The following STRBP variants were observed in gnomAD, a reference collection of about 807,000 sequenced individuals.
STRBP encodes the protein spermatid perinuclear RNA binding protein.
STRBP carries 13 observed loss-of-function variants against 80.1 expected under a neutral mutation model. The ratio of observed to expected loss-of-function variants is 0.16; its 90% CI spans 0.11 to 0.26. STRBP has a LOEUF of 0.26. STRBP is among the 10% of genes least tolerant of loss of function. The pLI is 1.00. For synonymous variants in STRBP, 284 were observed against 291.2 expected (o/e 0.98, Z 0.25); for missense variants, 485 against 815.2 (o/e 0.59, Z 4.93).
At chr9:123,259,526 G>C (rs940701361) in intron 1 of STRBP, among the ~76,000 whole-genome samples, 2 of 152,128 alleles carry the variant, frequency 1.3e-5, no homozygotes, top group African/African-American at 2.4e-5. Context: ...GACCAACATG[G>C]AGAAACCCCG....
At position 123,115,343 on chromosome 9, in the gene STRBP, G is replaced by T; in HGVS notation, c.*84+586C>A. Reference sequence around the variant, plus strand: ...CCTGGCTCCTCTCCTGCCCTCGGCGGGAGACCTGGGAACGGGCCTGCCAGC... The same window carrying T: ...CCTGGCTCCTCTCCTGCCCTCGGCGTGAGACCTGGGAACGGGCCTGCCAGC... On this transcript the variant is annotated intron_variant and NMD_transcript_variant, in intron 3 of 3. Coordinates refer to the STRBP transcript ENST00000471564. The surrounding 1 kb of genome is among the most constrained non-coding windows in gnomAD (Gnocchi z 5.0). 1 of 471,082 alleles carries T rather than the reference G, an allele frequency of 2.1e-6. No homozygotes were observed. The highest frequency in any genetic ancestry group is 1.5e-5 in the South Asian group (1 of 64,572). The allele number at this position is 471,082 out of a possible 1,614,324, so 29.2% of individuals were successfully genotyped here.
At chr9:123,109,809 C>CA in intron 3 of STRBP, 1 of 152,326 alleles carries the variant, frequency 6.6e-6, no homozygotes, top group Non-Finnish European at 1.5e-5. Context: ...AGGGGAAGGG[C>CA]AGTCCATGGT....
intron 4 of STRBP, among the ~76,000 whole-genome samples, chr9:123,174,895 T>A (rs1221363201): frequency 1.3e-5 from 2 of 152,234 alleles, no homozygotes; most frequent in African/African-American, 4.8e-5. Flanking sequence ...TAACTAAGTT[T>A]AACCGTCTTT....
chr9:123,245,286 G>A (rs76373359), intron 1 of STRBP, among the ~76,000 whole-genome samples: 5,122 of 152,272 alleles, frequency 0.034, 120 homozygotes, highest in Non-Finnish European at 0.055. Flanking sequence ...ATGCACACTG[G>A]AATTACCTCT....
At chr9:123,245,725 C>A (rs1252157006) in intron 1 of STRBP, among the ~76,000 whole-genome samples, 1 of 152,172 alleles carries the variant, frequency 6.6e-6, no homozygotes, top group East Asian at 1.9e-4. Context: ...TTCTAACGTT[C>A]AATCAAGAAT....
chr9:123,184,316 A>C lies in STRBP; in HGVS notation c.-164-18T>G, dbSNP rs1045801309. The stretch of plus-strand genomic sequence containing the variant: ...GAACACACCTGCAAGAGAAGAGGAA[A>C]ACAACTTCAAAAATGCTTATTTACT... On this transcript the variant is annotated intron_variant, in intron 2 of 18. Coordinates refer to ENST00000348403, the MANE Select transcript of STRBP (RefSeq NM_018387.5). 4.2e-6 allele frequency: 2 copies of C among 472,964 alleles called. No individual in the cohort carries two copies. The highest frequency in any genetic ancestry group is 7.5e-6 in the Non-Finnish European group (2 of 266,964). 29.3% of individuals were successfully genotyped at this position (472,964 alleles called of 1,614,324 possible). A position where few individuals can be genotyped will look rare whatever the true frequency, so the allele number is the denominator to read the frequency against.
In STRBP at chr9:123,122,226, A is replaced by C; in HGVS notation, c.*3371T>G. On this transcript the variant is annotated 3_prime_UTR_variant, in exon 19 of 19. Transcript: ENST00000348403. Reference sequence around the variant, plus strand: ...ACTGAGATCACAGCTTACAGTCACTATATCTCAGCCTATTTTATACAAGTG... The same window carrying C: ...ACTGAGATCACAGCTTACAGTCACTCTATCTCAGCCTATTTTATACAAGTG... The C allele has an allele frequency of 2.3e-6, 2 of 882,920 alleles. No homozygotes were observed. The highest frequency in any genetic ancestry group is 1.7e-5 in the African/African-American group (1 of 57,818). 54.7% of individuals were successfully genotyped at this position (882,920 alleles called of 1,614,324 possible).
Position 123,165,456 on chromosome 9 carries a change from G to C in STRBP, c.536-4388C>G, listed in dbSNP as rs998099072. Among the ~76,000 whole-genome samples the C allele has an allele frequency of 2.0e-5, 3 of 152,014 alleles. No individual in the cohort carries two copies. In the East Asian group the frequency reaches 5.8e-4, roughly 29 times the overall value. On this transcript the variant is annotated intron_variant, in intron 6 of 18. Coordinates refer to ENST00000348403, the MANE Select transcript of STRBP (RefSeq NM_018387.5). ...CTGCCAAGAAGGGCGAGTTCACACT[G>C]GCACCAATATGAAGGGACTCTGAGG...
chr9:123,144,121 C>T (rs538049732), intron 13 of STRBP, among the ~76,000 whole-genome samples: 9 of 151,342 alleles, frequency 5.9e-5, no homozygotes, highest in African/African-American at 1.9e-4. Context: ...TCACTGGAAC[C>T]CAGGAGGCAG....
In STRBP at chr9:123,125,635, A is replaced by G. The variant is rs1489385017; in HGVS notation, c.1981T>C (p.Phe661Leu). 1.2e-6 allele frequency: 2 copies of G among 1,613,498 alleles called. No individual in the cohort carries two copies. The highest frequency in any genetic ancestry group is 1.7e-6 in the Non-Finnish European group (2 of 1,179,816). The change falls in exon 19 of 19, where the codon TTT (phenylalanine) becomes CTT (leucine). Residue 661 changes from phenylalanine (F) to leucine (L), a missense_variant. Physicochemically the swap from Phe to Leu is conservative, Grantham distance 22. Coordinates refer to ENST00000348403, the MANE Select transcript of STRBP (RefSeq NM_018387.5). ...KRMVLLPVMK[F>L]PTYPVPHYSF... ...TAGTGGGGAACAGGATATGTTGGAA[A>G]TTTCATAACGGGTAACAGAACCATT...
At chr9:123,260,008 T>C (rs77930523) in intron 1 of STRBP, among the ~76,000 whole-genome samples, 2,512 of 152,186 alleles carry the variant, frequency 0.017, 75 homozygotes, top group African/African-American at 0.057. Context: ...GGAGAGAACA[T>C]GAGAACTAAA....
intron 11 of STRBP, among the ~76,000 whole-genome samples, chr9:123,153,036 C>T (rs2037125826): frequency 6.6e-6 from 1 of 152,074 alleles, no homozygotes; most frequent in South Asian, 2.1e-4. Flanking sequence ...GGGTGGTGTT[C>T]TCCATAAAGA....
In STRBP at chr9:123,125,082, T is replaced by C; in HGVS notation, c.*515A>G. ...TGGCTTTATTACACACTTCAATATT[T>C]ACAAAGTTAAAGTTAAATGAAAAGT... On this transcript the variant is annotated 3_prime_UTR_variant, in exon 19 of 19. Coordinates refer to ENST00000348403, the MANE Select transcript of STRBP (RefSeq NM_018387.5). The C allele has an allele frequency of 3.0e-6, 3 of 985,384 alleles. No individual in the cohort carries two copies. The highest frequency in any genetic ancestry group is 3.6e-6 in the Non-Finnish European group (3 of 829,472). 61.0% of individuals were successfully genotyped at this position (985,384 alleles called of 1,614,324 possible).
chr9:123,177,476 T>G (rs1331734387), intron 4 of STRBP, among the ~76,000 whole-genome samples: 3 of 152,116 alleles, frequency 2.0e-5, no homozygotes, highest in Non-Finnish European at 4.4e-5. Context: ...AAGAGGCTGA[T>G]GTAGGAGGAT....
At chr9:123,180,857 T>G in intron 3 of STRBP, 3 of 890,634 alleles carry the variant, frequency 3.4e-6, no homozygotes, top group Non-Finnish European at 4.0e-6. Flanking sequence ...GGTTATACTG[T>G]CTTTACTTAC....
chr9:123,268,371 G>T (rs1301910245), intron 1 of STRBP, 65 bp downstream of exon 1: 2 of 145,280 alleles, frequency 1.4e-5, no homozygotes, highest in African/African-American at 4.9e-5. Flanking sequence ...CTCAACCGCC[G>T]CCTTAACCGC....
At chr9:123,173,968 AT>A in intron 4 of STRBP, 126 bp from the exon 5 acceptor site, 1 of 1,030,260 alleles carries the variant, frequency 9.7e-7, no homozygotes, top group Non-Finnish European at 1.4e-6. Context: ...ACATCCAAGT[AT>A]CCACAAAATT....
intron 6 of STRBP, 53 bp from the exon 7 acceptor site, chr9:123,161,121 C>A (rs2037506576): frequency 8.0e-7 from 1 of 1,250,982 alleles, no homozygotes; most frequent in East Asian, 2.6e-5. Context: ...CAAGCGATTC[C>A]TATCAAATTA....
chr9:123,235,823 G>A (rs1360452279), intron 2 of STRBP, among the ~76,000 whole-genome samples: 6 of 152,040 alleles, frequency 3.9e-5, no homozygotes, highest in Admixed American at 2.6e-4. Context: ...TAGGAATAGA[G>A]CGCTCAGCAA....
Sources: allele counts gnomAD v4.1 joint callset (sites outside exome capture counted in the v4.1 genomes callset), GRCh38; gene constraint gnomAD v4.1.1; non-coding constraint Gnocchi (gnomAD v3.1); transcripts MANE v1.5; gene names NCBI Gene and HGNC (gene_info 2026-07-23, HGNC 2026-07-21).